The following CEP290 variants were observed in gnomAD, a reference collection of about 807,000 sequenced individuals.
CEP290 encodes centrosomal protein 290.
CEP290 carries 317 observed loss-of-function variants against 344.9 expected under a neutral mutation model. The observed-to-expected ratio is 0.92, with a 90% CI of 0.84 to 1.01. CEP290 has a LOEUF of 1.01. CEP290 is among the 50% of genes least tolerant of loss of function. CEP290 has a pLI of 0.00. For synonymous variants in CEP290, 932 were observed against 895.8 expected (o/e 1.04, Z -0.72); for missense variants, 2,754 against 2,761.4 (o/e 1.00, Z 0.06).
chr12:88,071,738 G>A, intron 42 of CEP290, 43 bp downstream of exon 42: 1 of 1,457,938 alleles, frequency 6.9e-7, no homozygotes. Flanking sequence ...GGTCACTAAA[G>A]GATTTTACAC....
intron 53 of CEP290, 129 bp from the exon 54 acceptor site, chr12:88,049,543 G>A: frequency 1.6e-6 from 1 of 613,920 alleles, no homozygotes; most frequent in Non-Finnish European, 2.9e-6. Flanking sequence ...AATAAAGGCA[G>A]AAGAATTAAG....
At chr12:88,129,233 G>A (rs1484434042) in intron 10 of CEP290, among the ~76,000 whole-genome samples, 198 bp from the exon 11 acceptor site, 1 of 151,686 alleles carries the variant, frequency 6.6e-6, no homozygotes, top group African/African-American at 2.4e-5. Flanking sequence ...GGAATTATAG[G>A]TGACATTTAA....
chr12:88,089,258 T>A lies in CEP290; in HGVS notation c.3803A>T (p.Gln1268Leu). ...TCCACTAAACTGTCGTCGTAGAGAC[T>A]GAATTGTTTGGCGCAGATGTTTTGC... ...NRAKHLRQTI[Q>L]SLRRQFSGAL... The change falls in exon 31 of 54, where the codon CAG becomes CTG. Residue 1268 changes from glutamine (Q) to leucine (L), a missense_variant. Transcript: ENST00000552810. 1 of 1,614,006 alleles carries A rather than the reference T, an allele frequency of 6.2e-7. No homozygotes were observed. The highest frequency in any genetic ancestry group is 8.5e-7 in the Non-Finnish European group (1 of 1,179,866).
intron 26 of CEP290, among the ~76,000 whole-genome samples, chr12:88,098,631 T>C (rs144826062): frequency 3.3e-5 from 5 of 151,906 alleles, no homozygotes; most frequent in African/African-American, 1.2e-4. Flanking sequence ...AGTTGACATT[T>C]AGAAAGAAAA....
chr12:88,082,557 G>A (rs919413882), intron 37 of CEP290, among the ~76,000 whole-genome samples: 3 of 152,078 alleles, frequency 2.0e-5, no homozygotes, highest in African/African-American at 7.2e-5. Context: ...ACCCAGGTGT[G>A]GTGGCACCTG....
At chr12:88,135,948 C>A (rs1440916699) in intron 6 of CEP290, 1 of 151,906 alleles carries the variant, frequency 6.6e-6, no homozygotes, top group Non-Finnish European at 1.5e-5. Context: ...AAATAGGAAG[C>A]TGAGGTAAAA....
intron 28 of CEP290, among the ~76,000 whole-genome samples, chr12:88,093,218 A>T (rs1445928616): frequency 6.6e-6 from 1 of 152,150 alleles, no homozygotes; most frequent in African/African-American, 2.4e-5. Context: ...CATAGTTAAA[A>T]CAAAAATGAT....
At chr12:88,083,813 A>T (rs2036367058) in intron 36 of CEP290, 34 bp downstream of exon 36, 1 of 1,330,406 alleles carries the variant, frequency 7.5e-7, no homozygotes, top group Non-Finnish European at 1.0e-6. Flanking sequence ...CACAAAAATC[A>T]ATAAAGAATG....
chr12:88,114,389 GA>G lies in CEP290; in HGVS notation c.2052+30del, dbSNP rs11358611. On this transcript the variant is annotated intron_variant, in intron 20 of 53. Coordinates refer to ENST00000552810, the MANE Select transcript of CEP290 (RefSeq NM_025114.4). Reference sequence around the variant, plus strand: ...AGAAAATCTCTCTAAAGTGATAGGGGAAAAACATTAACATGAAAAAAATAAC... The same window carrying G: ...AGAAAATCTCTCTAAAGTGATAGGGGAAAACATTAACATGAAAAAAATAAC... 11,443 of 1,516,706 alleles carry G rather than the reference GA, an allele frequency of 7.5e-3. 673 individuals carry two copies. In the African/African-American group the frequency reaches 0.14, roughly 18 times the overall value. 94.0% of individuals were successfully genotyped at this position (1,516,706 alleles called of 1,614,324 possible).
intron 18 of CEP290, among the ~76,000 whole-genome samples, chr12:88,116,703 G>A (rs1316738699): frequency 1.3e-5 from 2 of 152,108 alleles, no homozygotes; most frequent in East Asian, 1.9e-4. Context: ...GGCCGGGCGC[G>A]GTGGCTCACG....
At chr12:88,068,476 T>G in intron 44 of CEP290, 46 bp downstream of exon 44, 1 of 1,273,732 alleles carries the variant, frequency 7.9e-7, no homozygotes, top group South Asian at 1.8e-5. Flanking sequence ...CTTTCATGCA[T>G]TTTAACATGG....
chr12:88,078,847 T>A (rs957026565), intron 39 of CEP290, among the ~76,000 whole-genome samples: 1 of 152,112 alleles, frequency 6.6e-6, no homozygotes. Flanking sequence ...ATTTCTTAAA[T>A]TTAATTTCAT....
chr12:88,125,463 G>A, intron 12 of CEP290, 94 bp from the exon 13 acceptor site: 5 of 530,410 alleles, frequency 9.4e-6, no homozygotes, highest in Non-Finnish European at 1.4e-5. Context: ...CAACAAGACT[G>A]TAGAACATAT....
intron 21 of CEP290, 104 bp from the exon 22 acceptor site, chr12:88,111,455 C>T: frequency 6.2e-6 from 7 of 1,127,306 alleles, no homozygotes; most frequent in South Asian, 1.7e-5. Context: ...CTCAACCATA[C>T]TTCAGTTTCT....
chr12:88,131,266 C>G, intron 6 of CEP290, 48 bp from the exon 7 acceptor site: 1 of 1,324,016 alleles, frequency 7.6e-7, no homozygotes, highest in African/African-American at 1.9e-5. Context: ...TAAAATTCAG[C>G]AGTAATTTTT....
At position 88,090,629 on chromosome 12, in the gene CEP290, C is replaced by T. The variant is rs1280551274; in HGVS notation, c.3573+99G>A. 1.9e-5 allele frequency: 15 copies of T among 770,432 alleles called. 1 individual carries two copies. The highest frequency in any genetic ancestry group is 3.3e-5 in the South Asian group (2 of 60,862). The allele number at this position is 770,432 out of a possible 1,614,324, so 47.7% of individuals were successfully genotyped here. ...TGGGCAACAGAATGAGACCCTATCTCGAAACAAACAAAAAGTATAACATAT... is the reference window on the plus strand; with the variant it reads ...TGGGCAACAGAATGAGACCCTATCTTGAAACAAACAAAAAGTATAACATAT... On this transcript the variant is annotated intron_variant, in intron 30 of 53. Transcript: ENST00000552810.
chr12:88,092,272 T>G (rs2037112066), intron 29 of CEP290, among the ~76,000 whole-genome samples: 1 of 152,160 alleles, frequency 6.6e-6, no homozygotes, highest in Admixed American at 6.5e-5. Flanking sequence ...AAATCTGAAT[T>G]TTTTATTATA....
intron 26 of CEP290, among the ~76,000 whole-genome samples, chr12:88,100,062 C>T (rs2037753586): frequency 6.6e-6 from 1 of 151,790 alleles, no homozygotes; most frequent in Non-Finnish European, 1.5e-5. Context: ...GGCGGATTAC[C>T]TGAGATCCAA....
At chr12:88,060,171 C>T (rs554385259) in intron 47 of CEP290, among the ~76,000 whole-genome samples, 151 bp from the exon 48 acceptor site, 5 of 152,254 alleles carry the variant, frequency 3.3e-5, no homozygotes, top group South Asian at 2.1e-4. Flanking sequence ...TTAGTGAGAA[C>T]GAAGTTCCCA....
Sources: allele counts gnomAD v4.1 joint callset (sites outside exome capture counted in the v4.1 genomes callset), GRCh38; gene constraint gnomAD v4.1.1; transcripts MANE v1.5; gene names NCBI Gene and HGNC (gene_info 2026-07-23, HGNC 2026-07-21).